GALNT10: variants seen among roughly 807,000 people sequenced by gnomAD.
GALNT10 encodes polypeptide N-acetylgalactosaminyltransferase 10.
A neutral mutation model predicts 75.0 loss-of-function variants in GALNT10; 41 were observed. The observed-to-expected ratio is 0.55, with a 90% CI of 0.43 to 0.71. The LOEUF is 0.71. Among genes scored for constraint, GALNT10 ranks in the 30% least tolerant of loss-of-function variants. The pLI, the probability that GALNT10 is intolerant of heterozygous loss-of-function variation, is 0.00. For synonymous variants in GALNT10, 302 were observed against 313.0 expected, an observed-to-expected ratio of 0.96 and a Z score of 0.37; for missense variants, 727 against 818.5, an observed-to-expected ratio of 0.89 and a Z score of 1.36.
chr5:154,320,838 T>G (rs951779921), intron 3 of GALNT10, among the ~76,000 whole-genome samples: 32 of 152,152 alleles, frequency 2.1e-4, no homozygotes, highest in African/African-American at 7.5e-4. Context: ...GACTTTTCCA[T>G]CAGAACTGGA....
chr5:154,385,277 C>T (rs1222106882), intron 6 of GALNT10, among the ~76,000 whole-genome samples: 4 of 152,124 alleles, frequency 2.6e-5, no homozygotes, highest in Non-Finnish European at 5.9e-5. Context: ...TGCGAGATAC[C>T]CTGGGGGACG....
intron 4 of GALNT10, among the ~76,000 whole-genome samples, chr5:154,369,847 G>T (rs1024080811): frequency 2.6e-5 from 4 of 152,188 alleles, no homozygotes; most frequent in Admixed American, 1.3e-4. Flanking sequence ...CCCCCTCCCT[G>T]CTTCCCTTCT....
intron 1 of GALNT10, among the ~76,000 whole-genome samples, chr5:154,194,736 G>C (rs1312661034): frequency 6.6e-6 from 1 of 152,204 alleles, no homozygotes; most frequent in Admixed American, 6.5e-5. Context: ...CCCCTCCCAT[G>C]GCCAGGGCAG....
intron 4 of GALNT10, among the ~76,000 whole-genome samples, chr5:154,373,092 A>C (rs990649156): frequency 6.6e-6 from 1 of 152,184 alleles, no homozygotes; most frequent in African/African-American, 2.4e-5. Context: ...ATCTCTTCTC[A>C]GTCCTGACAC....
At chr5:154,311,774 C>A (rs1010124503) in intron 3 of GALNT10, among the ~76,000 whole-genome samples, 3 of 152,114 alleles carry the variant, frequency 2.0e-5, no homozygotes, top group Admixed American at 6.6e-5. Flanking sequence ...CCACACCAGG[C>A]TAATTTTTGT....
intron 1 of GALNT10, among the ~76,000 whole-genome samples, chr5:154,225,917 G>T (rs991266146): frequency 2.7e-5 from 4 of 150,162 alleles, no homozygotes; most frequent in Middle Eastern, 6.5e-3. Context: ...TTCACTCATA[G>T]GTGGGAATTG....
chr5:154,203,999 A>G (rs1177818781), intron 1 of GALNT10, among the ~76,000 whole-genome samples: 1 of 152,154 alleles, frequency 6.6e-6, no homozygotes, highest in African/African-American at 2.4e-5. Context: ...ATAAAGCTTT[A>G]TTTGCAAAAG....
chr5:154,335,927 G>A lies in GALNT10; in HGVS notation c.568+6189G>A, dbSNP rs145378995. On this transcript the variant is annotated intron_variant, in intron 4 of 11. Coordinates refer to ENST00000297107, the MANE Select transcript of GALNT10 (RefSeq NM_198321.4). ...AAATGACATATATCTACCATATGAC[G>A]TATAGCATCATACAGAGTAGTTTCA... Among the ~76,000 whole-genome samples, 1,286 of 152,268 alleles carry A rather than the reference G, an allele frequency of 8.4e-3. 14 individuals carry two copies. The highest frequency in any genetic ancestry group is 0.029 in the African/African-American group (1,213 of 41,542).
At chr5:154,284,917 C>T (rs1320847246) in intron 1 of GALNT10, among the ~76,000 whole-genome samples, 2 of 152,184 alleles carry the variant, frequency 1.3e-5, no homozygotes, top group South Asian at 2.1e-4. Flanking sequence ...GATATAATGA[C>T]GATAATAATA....
chr5:154,240,649 T>C (rs1753318662), intron 1 of GALNT10, among the ~76,000 whole-genome samples: 1 of 152,194 alleles, frequency 6.6e-6, no homozygotes, highest in African/African-American at 2.4e-5. Flanking sequence ...AACCATTATA[T>C]TTTGTGGCTG....
At chr5:154,319,769 G>A (rs1349817853) in intron 3 of GALNT10, among the ~76,000 whole-genome samples, 5 of 152,208 alleles carry the variant, frequency 3.3e-5, no homozygotes, top group African/African-American at 1.2e-4. Flanking sequence ...ATACACAAAA[G>A]AACAGGGCAC....
chr5:154,318,604 A>T (rs1754631633), intron 3 of GALNT10, among the ~76,000 whole-genome samples: 2 of 152,228 alleles, frequency 1.3e-5, no homozygotes, highest in South Asian at 4.1e-4. Context: ...CAATTAAATG[A>T]CTTAATGCAT....
chr5:154,312,898 A>C (rs1754542486), intron 3 of GALNT10, among the ~76,000 whole-genome samples: 1 of 152,206 alleles, frequency 6.6e-6, no homozygotes, highest in African/African-American at 2.4e-5. Context: ...TCCTGCTGTC[A>C]TCCTTGGTTT....
At chr5:154,311,987 C>G (rs1754526940) in intron 3 of GALNT10, among the ~76,000 whole-genome samples, 1 of 152,138 alleles carries the variant, frequency 6.6e-6, no homozygotes, top group Non-Finnish European at 1.5e-5. Context: ...GTATTTGCTA[C>G]ATAAATCCAG....
At chr5:154,359,142 C>T (rs1256102183) in intron 4 of GALNT10, among the ~76,000 whole-genome samples, 1 of 152,126 alleles carries the variant, frequency 6.6e-6, no homozygotes, top group Non-Finnish European at 1.5e-5. Context: ...GGGGCTTTCT[C>T]CTGAAGGGCT....
chr5:154,279,288 T>A (rs1377889152), intron 1 of GALNT10, among the ~76,000 whole-genome samples: 2 of 145,116 alleles, frequency 1.4e-5, no homozygotes, highest in Admixed American at 6.7e-5. Flanking sequence ...GTTGTTGTTG[T>A]TGTTGTTGTT....
intron 1 of GALNT10, among the ~76,000 whole-genome samples, chr5:154,205,389 T>C (rs1342809293): frequency 6.6e-6 from 1 of 152,158 alleles, no homozygotes; most frequent in Non-Finnish European, 1.5e-5. Flanking sequence ...CCCCTGGTTC[T>C]TAGGAGGAAA....
chr5:154,203,038 G>A (rs1468023418), intron 1 of GALNT10, among the ~76,000 whole-genome samples: 1 of 152,226 alleles, frequency 6.6e-6, no homozygotes, highest in Admixed American at 6.5e-5. Context: ...AGGTATTAAA[G>A]GGACATTTGA....
intron 1 of GALNT10, among the ~76,000 whole-genome samples, chr5:154,259,018 A>G (rs1455257576): frequency 6.6e-6 from 1 of 152,228 alleles, no homozygotes; most frequent in African/African-American, 2.4e-5. Context: ...CTACATAAGC[A>G]TAGTTTAATT....
Sources: gnomAD v4.1 joint callset for allele counts (sites outside exome capture counted in the v4.1 genomes callset) on GRCh38, gnomAD v4.1.1 for gene constraint, MANE v1.5 for transcripts, NCBI Gene and HGNC (gene_info 2026-07-23, HGNC 2026-07-21) for gene names.